The following MEOX2 variants were observed in gnomAD, a reference collection of about 807,000 sequenced individuals.
The protein encoded by MEOX2 is homeobox protein MOX-2.
Under a neutral mutation model 27.0 loss-of-function variants are expected in MEOX2, and 11 were observed. The ratio of observed to expected loss-of-function variants is 0.41; its 90% confidence interval spans 0.26 to 0.68. The LOEUF (loss-of-function observed/expected upper bound fraction) is 0.68, where lower values mean the gene tolerates loss of function less well. MEOX2 is among the 30% of genes least tolerant of loss of function. MEOX2 has a pLI of 0.33. For missense variants in MEOX2, 436 were observed against 385.4 expected (o/e 1.13, Z -1.10); for synonymous variants, 189 against 155.4 (o/e 1.22, Z -1.61).
At chr7:15,661,011 T>TGAAAAAA (rs1781905902) in intron 1 of MEOX2, among the ~76,000 whole-genome samples, 1 of 5,838 alleles carries the variant, frequency 1.7e-4, no homozygotes, top group African/African-American at 4.8e-4. Flanking sequence ...AGACTCAGTC[T>TGAAAAAA]CAAAAAAAAA....
chr7:15,670,663 G>A (rs963145431), intron 1 of MEOX2, among the ~76,000 whole-genome samples: 1 of 152,100 alleles, frequency 6.6e-6, no homozygotes, highest in African/African-American at 2.4e-5. Flanking sequence ...AATTTACATA[G>A]CAACATGTGG....
intron 1 of MEOX2, among the ~76,000 whole-genome samples, chr7:15,657,343 G>C (rs944305870): frequency 6.6e-5 from 10 of 151,914 alleles, no homozygotes; most frequent in Non-Finnish European, 1.2e-4. Context: ...ATTGCTTTTG[G>C]TCACAGTCTC....
intron 1 of MEOX2, among the ~76,000 whole-genome samples, chr7:15,666,527 G>T (rs977839608): frequency 3.3e-5 from 5 of 151,188 alleles, no homozygotes; most frequent in Admixed American, 2.6e-4. Context: ...GCCAAGGCGG[G>T]CAGATCATAA....
intron 1 of MEOX2, 65 bp downstream of exon 1, chr7:15,685,821 C>G (rs1782370424): frequency 6.6e-7 from 1 of 1,526,090 alleles, no homozygotes; most frequent in Non-Finnish European, 8.8e-7. Context: ...AGAATCTCCC[C>G]TAGTATCTCT....
chr7:15,654,648 C>G (rs1166145557), intron 1 of MEOX2, among the ~76,000 whole-genome samples: 1 of 151,806 alleles, frequency 6.6e-6, no homozygotes, highest in Non-Finnish European at 1.5e-5. Context: ...CCGCCACCAA[C>G]TGGTTTAATC....
chr7:15,612,318 A>G lies in MEOX2; in HGVS notation c.*69T>C, dbSNP rs949126549. On this transcript the variant is annotated 3_prime_UTR_variant, in exon 3 of 3. Coordinates refer to ENST00000262041, the MANE Select transcript of MEOX2 (RefSeq NM_005924.5). ...CTGCCATAGTCATCTCTCTGTGTAA[A>G]CGATATTTGGGTAAGGCTTGCCATC... 1.7e-5 allele frequency: 21 copies of G among 1,223,462 alleles called. No homozygotes were observed. In the Admixed American group the frequency reaches 3.4e-4, roughly 20 times the overall value. The allele number at this position is 1,223,462 out of a possible 1,614,324, so 75.8% of individuals were successfully genotyped here. A position where few individuals can be genotyped will look rare whatever the true frequency, so the allele number is the denominator to read the frequency against.
intron 2 of MEOX2, among the ~76,000 whole-genome samples, chr7:15,619,727 T>C (rs1338003005): frequency 6.6e-6 from 1 of 152,028 alleles, no homozygotes; most frequent in African/African-American, 2.4e-5. Context: ...AAAAGAAAGA[T>C]AGCATTTTAA....
At chr7:15,675,164 A>G (rs1782172390) in intron 1 of MEOX2, among the ~76,000 whole-genome samples, 1 of 152,348 alleles carries the variant, frequency 6.6e-6, no homozygotes, top group African/African-American at 2.4e-5. Flanking sequence ...GTTCACATAA[A>G]TATCTACTAT....
chr7:15,631,671 AT>A (rs1161810442), intron 1 of MEOX2, among the ~76,000 whole-genome samples: 4 of 151,872 alleles, frequency 2.6e-5, no homozygotes, highest in African/African-American at 9.7e-5. Context: ...TTGCATCAGT[AT>A]TTAGCAATAG....
intron 1 of MEOX2, among the ~76,000 whole-genome samples, chr7:15,627,643 G>C (rs3801416): frequency 0.65 from 99,397 of 151,804 alleles, 32,807 homozygotes; most frequent in East Asian, 0.81. Flanking sequence ...TTATAATGCA[G>C]TGTAAAATAC....
intron 1 of MEOX2, among the ~76,000 whole-genome samples, chr7:15,641,274 T>A (rs1370952026): frequency 6.6e-6 from 1 of 152,184 alleles, no homozygotes; most frequent in Non-Finnish European, 1.5e-5. Flanking sequence ...AGAAATGTAT[T>A]CATTTGGGTT....
chr7:15,628,640 G>A (rs897635438), intron 1 of MEOX2, among the ~76,000 whole-genome samples: 2 of 152,096 alleles, frequency 1.3e-5, no homozygotes, highest in South Asian at 2.1e-4. Context: ...CTGGGACCAG[G>A]TGAGTGACAT....
intron 1 of MEOX2, among the ~76,000 whole-genome samples, chr7:15,667,615 G>C (rs1003129016): frequency 2.0e-5 from 3 of 152,040 alleles, no homozygotes; most frequent in Admixed American, 6.6e-5. Context: ...TGTGTGTGTT[G>C]GGGGACCTAG....
chr7:15,634,341 C>G (rs1781450377), intron 1 of MEOX2, among the ~76,000 whole-genome samples: 1 of 151,896 alleles, frequency 6.6e-6, no homozygotes, highest in African/African-American at 2.4e-5. Context: ...TCCCTGGCTT[C>G]TACTCACTGG....
intron 1 of MEOX2, among the ~76,000 whole-genome samples, chr7:15,638,261 T>G (rs1354609056): frequency 6.6e-6 from 1 of 152,154 alleles, no homozygotes; most frequent in African/African-American, 2.4e-5. Flanking sequence ...CTTTTATTTC[T>G]TTCATGTTTT....
chr7:15,634,022 G>T (rs17168938), intron 1 of MEOX2, among the ~76,000 whole-genome samples: 106 of 151,844 alleles, frequency 7.0e-4, no homozygotes, highest in African/African-American at 2.4e-3. Flanking sequence ...CACATATCTC[G>T]TGTAACTAAT....
intron 1 of MEOX2, among the ~76,000 whole-genome samples, chr7:15,685,058 TCTAA>T (rs140990844): frequency 0.069 from 10,511 of 152,294 alleles, 420 homozygotes; most frequent in African/African-American, 0.12. Flanking sequence ...TAGACACGTA[TCTAA>T]CTAACAGTAC....
intron 1 of MEOX2, among the ~76,000 whole-genome samples, chr7:15,668,989 C>G (rs908921343): frequency 6.6e-6 from 1 of 152,192 alleles, no homozygotes; most frequent in African/African-American, 2.4e-5. Context: ...CCTCTCCTTA[C>G]TATGTCCACG....
chr7:15,631,933 G>GTGTGTGTGTGTGTGTGTGT (rs66500166), intron 1 of MEOX2, among the ~76,000 whole-genome samples: 1,156 of 32,454 alleles, frequency 0.036, 18 homozygotes, highest in African/African-American at 0.061. Flanking sequence ...TGTGTGTGTG[G>GTGTGTGTGTGTGTGTGTGT]AGAGAAAGAG....
Sources: gnomAD v4.1 joint callset for allele counts (sites outside exome capture counted in the v4.1 genomes callset) on GRCh38, gnomAD v4.1.1 for gene constraint, MANE v1.5 for transcripts, NCBI Gene and HGNC (gene_info 2026-07-23, HGNC 2026-07-21) for gene names.